PRRX2: variants seen among roughly 807,000 people sequenced by gnomAD.
PRRX2 encodes the protein paired related homeobox 2, also known as paired mesoderm homeobox protein 2.
A neutral mutation model predicts 18.0 loss-of-function variants in PRRX2; 11 were observed. The observed-to-expected ratio is 0.61, with a 90% CI of 0.39 to 1.01. The LOEUF (loss-of-function observed/expected upper bound fraction) is 1.01, where lower values mean the gene tolerates loss of function less well. PRRX2 is among the 50% of genes least tolerant of loss of function. The pLI, the probability that PRRX2 is intolerant of heterozygous loss-of-function variation, is 0.01. For synonymous variants in PRRX2, 177 were observed against 154.8 expected (o/e 1.14, Z -1.06); for missense variants, 387 against 351.0 (o/e 1.10, Z -0.82).
intron 1 of PRRX2, among the ~76,000 whole-genome samples, chr9:129,704,145 G>A (rs1224562457): frequency 2.6e-5 from 4 of 152,210 alleles, no homozygotes; most frequent in Admixed American, 1.3e-4. Flanking sequence ...TCTAGGGAAT[G>A]GTTCGTAGAG....
chr9:129,721,416 G>A (rs1440021840), intron 3 of PRRX2, among the ~76,000 whole-genome samples: 7 of 152,114 alleles, frequency 4.6e-5, no homozygotes, highest in Admixed American at 1.3e-4. Context: ...CAGAGGCGCC[G>A]TCTGCTCCTT....
At chr9:129,697,678 C>T (rs1333562676) in intron 1 of PRRX2, among the ~76,000 whole-genome samples, 2 of 152,012 alleles carry the variant, frequency 1.3e-5, no homozygotes, top group African/African-American at 4.8e-5. Context: ...AGCTCCCCGT[C>T]CAGATGGGAA....
intron 1 of PRRX2, among the ~76,000 whole-genome samples, chr9:129,701,892 A>G (rs1564151968): frequency 6.6e-6 from 1 of 151,858 alleles, no homozygotes; most frequent in Non-Finnish European, 1.5e-5. Flanking sequence ...TGAGGTCAGG[A>G]GTTGGAGACC....
rs375891058 is a variant in PRRX2, at chr9:129,709,100, G to A, written c.260-10131G>A. ...CTGGGCATGTAGGCTGAAATCCAGG[G>A]CTGGGTCAGCTTTAGCCAGTGCGGT... On this transcript the variant is annotated intron_variant, in intron 1 of 3. Coordinates refer to ENST00000372469, the MANE Select transcript of PRRX2 (RefSeq NM_016307.4). The surrounding 1 kb of genome is among the most constrained non-coding windows in gnomAD (Gnocchi z 4.2). Among the ~76,000 whole-genome samples, 7 of 152,254 alleles carry A rather than the reference G, an allele frequency of 4.6e-5. No homozygotes were observed. The East Asian group carries it at 1.4e-3, about 29-fold the overall frequency.
chr9:129,713,031 C>G (rs1832650328), intron 1 of PRRX2: 3 of 152,416 alleles, frequency 2.0e-5, no homozygotes, highest in East Asian at 1.9e-4. Flanking sequence ...AACAAATATC[C>G]GGCACATCCG....
At chr9:129,713,705 A>C (rs1832662451) in intron 1 of PRRX2, among the ~76,000 whole-genome samples, 1 of 149,682 alleles carries the variant, frequency 6.7e-6, no homozygotes, top group South Asian at 2.1e-4. Context: ...ATCTCAGCTC[A>C]CTGCAACCTC....
rs758430462 is a variant in PRRX2 at position 129,695,403 on chromosome 9, C to G, written c.260-23828C>G. On this transcript the variant is annotated intron_variant, in intron 1 of 3. Transcript: ENST00000372469. This position sits in a 1 kb window ranked among gnomAD's most constrained non-coding sequence, Gnocchi z 4.8. ...AGAGAGGCTGCGGAAATGGCAGATG[C>G]TTGAAGAATCAGCTTCCCTCCAAAT... Among the ~76,000 whole-genome samples the G allele has an allele frequency of 2.6e-5, 4 of 152,230 alleles. No homozygotes were observed. The highest frequency in any genetic ancestry group is 4.4e-5 in the Non-Finnish European group (3 of 68,042).
intron 1 of PRRX2, among the ~76,000 whole-genome samples, chr9:129,679,766 G>T (rs575797340): frequency 6.6e-6 from 1 of 152,272 alleles, no homozygotes; most frequent in African/African-American, 2.4e-5. Flanking sequence ...TAGGGGCAGG[G>T]GCAGCCCCTC....
At chr9:129,700,842 C>T (rs759377335) in intron 1 of PRRX2, among the ~76,000 whole-genome samples, 7 of 152,196 alleles carry the variant, frequency 4.6e-5, no homozygotes, top group Non-Finnish European at 1.0e-4. Flanking sequence ...TGGTCCCAAA[C>T]TCCTGGCCTG....
Position 129,722,316 on chromosome 9 carries a change from C to T in PRRX2, c.726C>T (p.Phe242=). The change falls in exon 4 of 4, where the codon TTC becomes TTT. Residue 242 remains phenylalanine, a synonymous_variant. Transcript: ENST00000372469. ...GCCTCCGTCTCAAGGCCAAGGAGTTCAGCCTGCACCACAGCCAGGTGCCTA... is the reference window on the plus strand; with the variant it reads ...GCCTCCGTCTCAAGGCCAAGGAGTTTAGCCTGCACCACAGCCAGGTGCCTA... The part of the protein sequence containing the change: ...IASLRLKAKE[F]SLHHSQVPTV... 3 of 1,614,024 alleles carry T rather than the reference C, an allele frequency of 1.9e-6. No homozygotes were observed. Among genetic ancestry groups the T allele is most frequent in the Non-Finnish European group, 8.5e-7 (1 of 1,180,008 alleles).
At chr9:129,706,281 T>C (rs75232014) in intron 1 of PRRX2, among the ~76,000 whole-genome samples, 1,955 of 151,826 alleles carry the variant, frequency 0.013, 18 homozygotes, top group Middle Eastern at 0.031. Context: ...CTCCCATCTC[T>C]ACACAAAAAT....
At chr9:129,683,955 G>A (rs1201447316) in intron 1 of PRRX2, among the ~76,000 whole-genome samples, 4 of 152,132 alleles carry the variant, frequency 2.6e-5, no homozygotes, top group Non-Finnish European at 5.9e-5. Context: ...GCTAACGGGA[G>A]CCCCTCCCAA....
chr9:129,674,024 G>A (rs939205055), intron 1 of PRRX2, among the ~76,000 whole-genome samples: 1 of 152,082 alleles, frequency 6.6e-6, no homozygotes, highest in Non-Finnish European at 1.5e-5. Flanking sequence ...AGCTGGCCAC[G>A]GCTGCCCCTC....
intron 1 of PRRX2, among the ~76,000 whole-genome samples, chr9:129,702,651 G>A (rs918045642): frequency 1.3e-5 from 2 of 152,210 alleles, no homozygotes; most frequent in African/African-American, 2.4e-5. Flanking sequence ...CTTTCAGTCT[G>A]AGCCATGTCA....
intron 1 of PRRX2, among the ~76,000 whole-genome samples, chr9:129,706,350 G>T (rs930954705): frequency 1.1e-4 from 16 of 152,132 alleles, no homozygotes; most frequent in Admixed American, 7.9e-4. Flanking sequence ...GGAGACCGAG[G>T]GGGGCAGATC....
intron 1 of PRRX2, among the ~76,000 whole-genome samples, chr9:129,714,428 A>G (rs1295309936): frequency 6.6e-6 from 1 of 151,924 alleles, no homozygotes; most frequent in East Asian, 1.9e-4. Flanking sequence ...AAGTAATAAA[A>G]TAAAATAAAA....
intron 1 of PRRX2, among the ~76,000 whole-genome samples, chr9:129,676,131 C>T (rs1474633453): frequency 6.6e-6 from 1 of 152,168 alleles, no homozygotes; most frequent in African/African-American, 2.4e-5. Context: ...CCTCCTTCTC[C>T]TTCTGTCCTT....
chr9:129,703,283 A>G (rs1235140838), intron 1 of PRRX2, among the ~76,000 whole-genome samples: 2 of 152,172 alleles, frequency 1.3e-5, no homozygotes, highest in African/African-American at 4.8e-5. Flanking sequence ...AAGCCGCAGG[A>G]GTCTGAACGG....
chr9:129,714,061 G>C (rs1832671324), intron 1 of PRRX2, among the ~76,000 whole-genome samples: 1 of 151,570 alleles, frequency 6.6e-6, no homozygotes, highest in Non-Finnish European at 1.5e-5. Context: ...CCAGCATTTT[G>C]GGAGGCCAAG....
Sources: gnomAD v4.1 joint callset for allele counts (sites outside exome capture counted in the v4.1 genomes callset) on GRCh38, gnomAD v4.1.1 for gene constraint, Gnocchi (gnomAD v3.1) non-coding constraint, MANE v1.5 for transcripts, NCBI Gene and HGNC (gene_info 2026-07-23, HGNC 2026-07-21) for gene names.